ZDHHC1: variants seen among roughly 807,000 people sequenced by gnomAD.
ZDHHC1 encodes zDHHC palmitoyltransferase 1.
In ZDHHC1, 45 loss-of-function variants were observed where a neutral mutation model predicts 46.9. That is an observed-to-expected ratio of 0.96 (90% CI 0.76 to 1.23). The LOEUF is 1.23. Among genes scored for constraint, ZDHHC1 ranks in the 50% most tolerant of loss-of-function variants. The probability of loss-of-function intolerance (pLI) is 0.00; values close to 1 mark genes in which losing one functional copy is unlikely to be tolerated. For missense variants in ZDHHC1, 649 were observed against 670.8 expected (o/e 0.97, Z 0.36); for synonymous variants, 291 against 286.0 (o/e 1.02, Z -0.18).
In ZDHHC1 at chr16:67,406,186, T is replaced by C. The variant is rs200282329; in HGVS notation, c.252+14A>G. 4.4e-5 allele frequency: 71 copies of C among 1,612,960 alleles called. No individual in the cohort carries two copies. In the East Asian group the frequency reaches 1.4e-3, roughly 32 times the overall value. ...CCACTTCCACACACCAGCCCTACGC[T>C]TTCCCAAGGATACAGCGTAGCCAGC... On this transcript the variant is annotated intron_variant, in intron 3 of 11. Transcript: ENST00000565726. This position sits in a 1 kb window ranked among gnomAD's most constrained non-coding sequence, Gnocchi z 4.1.
intron 1 of ZDHHC1, among the ~76,000 whole-genome samples, chr16:67,415,132 C>G (rs1394921772): frequency 6.6e-6 from 1 of 151,926 alleles, no homozygotes; most frequent in East Asian, 1.9e-4. Context: ...GAGACTCCAT[C>G]TGGAAAATAA....
chr16:67,412,193 C>G (rs547611697), intron 1 of ZDHHC1, among the ~76,000 whole-genome samples: 8 of 151,928 alleles, frequency 5.3e-5, no homozygotes, highest in Non-Finnish European at 1.0e-4. Flanking sequence ...GAATGAAATG[C>G]AAGAAACCAA....
chr16:67,401,928 C>A lies in ZDHHC1; in HGVS notation c.253-796G>T, dbSNP rs1283760726. Among the ~76,000 whole-genome samples, 1 of 152,198 alleles carries A rather than the reference C, an allele frequency of 6.6e-6. No homozygotes were observed. Among genetic ancestry groups the A allele is most frequent in the Admixed American group, 6.5e-5 (1 of 15,286 alleles). On this transcript the variant is annotated intron_variant, in intron 3 of 11. Coordinates refer to ENST00000565726, the MANE Select transcript of ZDHHC1 (RefSeq NM_001323627.2). The surrounding 1 kb of genome is among the most constrained non-coding windows in gnomAD (Gnocchi z 4.6). ...CTCCCTCCCTTGATCACACCCACTTCAGCCCAAAATTCCACTGGTCCTCTT... is the reference window on the plus strand; with the variant it reads ...CTCCCTCCCTTGATCACACCCACTTAAGCCCAAAATTCCACTGGTCCTCTT...
At chr16:67,407,725 TCTGTC>T in intron 2 of ZDHHC1, 37 bp downstream of exon 2, 1 of 780,920 alleles carries the variant, frequency 1.3e-6, no homozygotes, top group Non-Finnish European at 2.4e-6. Context: ...TTTATTCATC[TCTGTC>T]CCCTATGTCC....
Position 67,406,469 on chromosome 16 carries a change from G to A in ZDHHC1, c.10-27C>T. ...TCCAGAGGGAGAAACAGTAGAGAGA[G>A]CATTAGCCCAAGAAGCTGGGCTGGA... is the stretch of plus-strand genomic sequence containing the variant. On this transcript the variant is annotated intron_variant, in intron 2 of 11. Transcript: ENST00000565726. The surrounding 1 kb of genome is among the most constrained non-coding windows in gnomAD (Gnocchi z 4.1). 1.4e-6 allele frequency: 2 copies of A among 1,476,988 alleles called. 1 individual carries two copies. The highest frequency in any genetic ancestry group is 4.7e-4 in the Middle Eastern group (2 of 4,268). 91.5% of individuals were successfully genotyped at this position (1,476,988 alleles called of 1,614,324 possible).
chr16:67,401,606 C>G lies in ZDHHC1; in HGVS notation c.253-474G>C, dbSNP rs911267932. Among the ~76,000 whole-genome samples the G allele has an allele frequency of 9.9e-5, 15 of 152,236 alleles. No homozygotes were observed. The highest frequency in any genetic ancestry group is 3.6e-4 in the African/African-American group (15 of 41,466). ...CCTCCAAAAGGGATGCAGCCACCCC[C>G]CTTTTCAGTAGCTGGGCCAGATGGA... On this transcript the variant is annotated intron_variant, in intron 3 of 11. Coordinates refer to ENST00000565726, the MANE Select transcript of ZDHHC1 (RefSeq NM_001323627.2). The surrounding 1 kb of genome is among the most constrained non-coding windows in gnomAD (Gnocchi z 4.6).
At chr16:67,395,960 G>A (rs1199234443) in intron 8 of ZDHHC1, 2 of 208,740 alleles carry the variant, frequency 9.6e-6, no homozygotes, top group Non-Finnish European at 2.0e-5. Context: ...ACAGGCCTGA[G>A]TGTGCATCCA....
In ZDHHC1 at chr16:67,401,037, C is replaced by T. The variant is rs372075684; in HGVS notation, c.348G>A (p.Ala116=). Residue 116 remains alanine (A), a synonymous_variant, in exon 4 of 12, where the codon GCG becomes GCA. Coordinates refer to ENST00000565726, the MANE Select transcript of ZDHHC1 (RefSeq NM_001323627.2). This position sits in a 1 kb window ranked among gnomAD's most constrained non-coding sequence, Gnocchi z 4.6. Reference sequence around the variant, plus strand: ...TTCGGTTGAAGATGGGCAGGGGCCCCGCATAGCTCTTGTCCCGCACGTTGG... The same window carrying T: ...TTCGGTTGAAGATGGGCAGGGGCCCTGCATAGCTCTTGTCCCGCACGTTGG... ...ADANVRDKSY[A]GPLPIFNRSQ... 32 of 1,614,036 alleles carry T rather than the reference C, an allele frequency of 2.0e-5. No homozygotes were observed. Among genetic ancestry groups the T allele is most frequent in the African/African-American group, 4.0e-5 (3 of 74,920 alleles).
intron 2 of ZDHHC1, 113 bp downstream of exon 2, chr16:67,407,654 T>A: frequency 1.3e-6 from 1 of 742,934 alleles, no homozygotes; most frequent in Non-Finnish European, 2.5e-6. Flanking sequence ...CGCTTTGCAA[T>A]CCTCATGTCT....
Position 67,416,367 on chromosome 16 carries a change from A to AGCTCTG in ZDHHC1, c.-241_-236dup, listed in dbSNP as rs752688474. On this transcript the variant is annotated 5_prime_UTR_variant, in exon 1 of 12. Transcript: ENST00000565726. Reference sequence around the variant, plus strand: ...CGGAGACTGGGCCGGTGAGTCCTCGAGCTCTGGCTCTGGCTCCGGCTCCGG... The same window carrying AGCTCTG: ...CGGAGACTGGGCCGGTGAGTCCTCGAGCTCTGGCTCTGGCTCTGGCTCCGGCTCCGG... 6.9e-4 allele frequency: 130 copies of AGCTCTG among 189,056 alleles called. No homozygotes were observed. Among genetic ancestry groups the AGCTCTG allele is most frequent in the Non-Finnish European group, 1.0e-3 (94 of 92,066 alleles). The allele number at this position is 189,056 out of a possible 1,614,324, so 11.7% of individuals were successfully genotyped here. A position where few individuals can be genotyped will look rare whatever the true frequency, so the allele number is the denominator to read the frequency against.
chr16:67,399,256 TC>T, intron 5 of ZDHHC1, 98 bp downstream of exon 5: 1 of 1,124,784 alleles, frequency 8.9e-7, no homozygotes, highest in Non-Finnish European at 1.3e-6. Flanking sequence ...CCTCGAAGCA[TC>T]CCCATCCCCG....
intron 1 of ZDHHC1, among the ~76,000 whole-genome samples, chr16:67,410,044 G>A (rs2040725777): frequency 6.6e-6 from 1 of 152,164 alleles, no homozygotes; most frequent in African/African-American, 2.4e-5. Flanking sequence ...AGATGGGACT[G>A]AAGGAGTTGC....
At chr16:67,415,897 C>T (rs1342863722) in intron 1 of ZDHHC1, among the ~76,000 whole-genome samples, 1 of 152,248 alleles carries the variant, frequency 6.6e-6, no homozygotes, top group East Asian at 1.9e-4. Context: ...TTCCCAGCCC[C>T]CTTCCTTAAT....
Position 67,407,826 on chromosome 16 carries a change from G to C in ZDHHC1, c.-38-13C>G. The C allele has an allele frequency of 1.3e-6, 1 of 778,202 alleles. No homozygotes were observed. Among genetic ancestry groups the C allele is most frequent in the Admixed American group, 1.7e-5 (1 of 58,832 alleles). The allele number at this position is 778,202 out of a possible 1,614,324, so 48.2% of individuals were successfully genotyped here. A position where few individuals can be genotyped will look rare whatever the true frequency, so the allele number is the denominator to read the frequency against. ...GACTTGAAAACAGCTGAAATAAAAG[G>C]AAACGTGGGCACAGTAAATGGTGTG... is the stretch of plus-strand genomic sequence containing the variant. On this transcript the variant is annotated splice_polypyrimidine_tract_variant and intron_variant, in intron 1 of 11. Coordinates refer to ENST00000565726, the MANE Select transcript of ZDHHC1 (RefSeq NM_001323627.2).
intron 1 of ZDHHC1, among the ~76,000 whole-genome samples, chr16:67,412,715 T>C (rs977976098): frequency 1.3e-5 from 2 of 152,084 alleles, no homozygotes; most frequent in Admixed American, 1.3e-4. Context: ...GAAAGTGCAC[T>C]CCACAGGAAA....
intron 4 of ZDHHC1, 23 bp from the exon 5 acceptor site, chr16:67,399,479 G>A (rs2142232659): frequency 6.3e-7 from 1 of 1,590,574 alleles, no homozygotes; most frequent in South Asian, 1.1e-5. Context: ...GGGGCACAGC[G>A]CGATTGGCCG....
intron 3 of ZDHHC1, among the ~76,000 whole-genome samples, chr16:67,405,858 C>T (rs1404557656): frequency 6.6e-6 from 1 of 152,224 alleles, no homozygotes; most frequent in Non-Finnish European, 1.5e-5. Flanking sequence ...CTCCCTACTT[C>T]ATCCTTTGTT....
chr16:67,414,214 C>G (rs115655798), intron 1 of ZDHHC1, among the ~76,000 whole-genome samples: 7,867 of 152,176 alleles, frequency 0.052, 601 homozygotes, highest in African/African-American at 0.17. Flanking sequence ...TTGGGGAACA[C>G]CCACCACACA....
At chr16:67,405,804 G>A (rs183904023) in intron 3 of ZDHHC1, among the ~76,000 whole-genome samples, 1 of 152,224 alleles carries the variant, frequency 6.6e-6, no homozygotes, top group Non-Finnish European at 1.5e-5. Flanking sequence ...ATTCTACGGT[G>A]ACTCTTTGAA....
Sources: gnomAD v4.1 joint callset for allele counts (sites outside exome capture counted in the v4.1 genomes callset) on GRCh38, gnomAD v4.1.1 for gene constraint, Gnocchi (gnomAD v3.1) non-coding constraint, MANE v1.5 for transcripts, NCBI Gene and HGNC (gene_info 2026-07-23, HGNC 2026-07-21) for gene names.